Variants in GALNTL6 observed in about 807,000 individuals in gnomAD.
GALNTL6 encodes polypeptide N-acetylgalactosaminyltransferase like 6.
GALNTL6 carries 46 observed loss-of-function variants against 73.7 expected under a neutral mutation model. The observed-to-expected ratio is 0.62, with a 90% CI of 0.49 to 0.80. GALNTL6 has a LOEUF of 0.80. Among genes scored for constraint, GALNTL6 ranks in the 30% least tolerant of loss-of-function variants. GALNTL6 has a pLI of 0.00. For synonymous variants in GALNTL6, 259 were observed against 263.7 expected (o/e 0.98, Z 0.17); for missense variants, 604 against 755.0 (o/e 0.80, Z 2.34).
chr4:172,652,490 G>T (rs1740519983), intron 5 of GALNTL6, among the ~76,000 whole-genome samples: 1 of 152,214 alleles, frequency 6.6e-6, no homozygotes, highest in Non-Finnish European at 1.5e-5. Flanking sequence ...TTGAAAGAGA[G>T]ACATTGTGCC....
intron 5 of GALNTL6, among the ~76,000 whole-genome samples, chr4:172,611,829 G>A (rs959910360): frequency 6.6e-6 from 1 of 152,036 alleles, no homozygotes; most frequent in Non-Finnish European, 1.5e-5. Context: ...CAAGAAGATG[G>A]AGATTCTGAT....
intron 5 of GALNTL6, among the ~76,000 whole-genome samples, chr4:172,721,405 A>C (rs1242883790): frequency 6.6e-6 from 1 of 152,224 alleles, no homozygotes; most frequent in Non-Finnish European, 1.5e-5. Context: ...AATACCAAGA[A>C]AGAATAAACA....
chr4:172,625,743 G>A (rs1464765785), intron 5 of GALNTL6, among the ~76,000 whole-genome samples: 3 of 152,020 alleles, frequency 2.0e-5, no homozygotes, highest in Non-Finnish European at 4.4e-5. Flanking sequence ...GTATCTCATT[G>A]TGGCTTCGAT....
chr4:171,840,766 T>C (rs904356764), intron 2 of GALNTL6, among the ~76,000 whole-genome samples: 2 of 152,160 alleles, frequency 1.3e-5, no homozygotes, highest in Non-Finnish European at 2.9e-5. Context: ...CCTTCTCTTG[T>C]TTCTTATCAT....
intron 5 of GALNTL6, among the ~76,000 whole-genome samples, chr4:172,646,429 T>C (rs1323727256): frequency 1.3e-5 from 2 of 152,092 alleles, no homozygotes; most frequent in African/African-American, 4.8e-5. Flanking sequence ...CTGTTGTAGA[T>C]TTATTTCTAG....
At chr4:172,625,336 G>A (rs1331708738) in intron 5 of GALNTL6, among the ~76,000 whole-genome samples, 3 of 151,914 alleles carry the variant, frequency 2.0e-5, no homozygotes, top group Non-Finnish European at 4.4e-5. Flanking sequence ...TAATGCCCTT[G>A]AGCTGCATCC....
intron 2 of GALNTL6, among the ~76,000 whole-genome samples, chr4:171,909,318 A>G (rs1050312363): frequency 1.2e-4 from 19 of 152,270 alleles, no homozygotes; most frequent in African/African-American, 4.1e-4. Context: ...AAACTACTGT[A>G]TATTATTTAA....
chr4:172,492,242 A>C (rs1479880537), intron 5 of GALNTL6, among the ~76,000 whole-genome samples: 1 of 152,180 alleles, frequency 6.6e-6, no homozygotes, highest in Non-Finnish European at 1.5e-5. Flanking sequence ...TATAGATATT[A>C]TATCTAAGTG....
At chr4:172,733,779 C>G (rs1032023559) in intron 5 of GALNTL6, among the ~76,000 whole-genome samples, 1 of 152,130 alleles carries the variant, frequency 6.6e-6, no homozygotes, top group Admixed American at 6.5e-5. Context: ...ACTTCTTTTT[C>G]TTTATAAATT....
chr4:172,615,349 G>A (rs1738682661), intron 5 of GALNTL6, among the ~76,000 whole-genome samples: 1 of 151,962 alleles, frequency 6.6e-6, no homozygotes, highest in South Asian at 2.1e-4. Context: ...TTTCAGCAGT[G>A]CATTTTTACT....
intron 2 of GALNTL6, among the ~76,000 whole-genome samples, chr4:171,877,095 G>C (rs1019170228): frequency 6.6e-6 from 1 of 152,120 alleles, no homozygotes; most frequent in African/African-American, 2.4e-5. Flanking sequence ...AGATGGAGCT[G>C]TCTCTGTTTC....
chr4:172,403,431 A>C (rs950629865), intron 5 of GALNTL6, among the ~76,000 whole-genome samples: 4 of 152,068 alleles, frequency 2.6e-5, no homozygotes, highest in Non-Finnish European at 4.4e-5. Flanking sequence ...GAACACATTT[A>C]AGAAGTTCTA....
intron 9 of GALNTL6, among the ~76,000 whole-genome samples, chr4:172,932,937 A>G (rs1188038177): frequency 6.6e-6 from 1 of 152,212 alleles, no homozygotes; most frequent in Non-Finnish European, 1.5e-5. Context: ...TAAAATTTTA[A>G]TTAGATGCTA....
At chr4:172,734,349 A>G (rs1441360882) in intron 5 of GALNTL6, among the ~76,000 whole-genome samples, 1 of 152,212 alleles carries the variant, frequency 6.6e-6, no homozygotes, top group Non-Finnish European at 1.5e-5. Context: ...GCTAATCACC[A>G]AGACAATGGG....
At chr4:172,373,007 C>T (rs1053423949) in intron 5 of GALNTL6, among the ~76,000 whole-genome samples, 4 of 152,162 alleles carry the variant, frequency 2.6e-5, no homozygotes, top group South Asian at 2.1e-4. Flanking sequence ...TACCCTTGAT[C>T]GGCTAGAAAG....
At chr4:172,218,560 ACT>A (rs1304360023) in intron 2 of GALNTL6, among the ~76,000 whole-genome samples, 2 of 151,720 alleles carry the variant, frequency 1.3e-5, no homozygotes, top group African/African-American at 2.4e-5. Flanking sequence ...CTTGGTTGGG[ACT>A]CTCTAGATTT....
chr4:172,727,463 G>A (rs920244281), intron 5 of GALNTL6, among the ~76,000 whole-genome samples: 1 of 152,106 alleles, frequency 6.6e-6, no homozygotes, highest in African/African-American at 2.4e-5. Context: ...TGAGGCATGA[G>A]ATATGTATTT....
chr4:172,602,340 TA>T (rs1468863429), intron 5 of GALNTL6, among the ~76,000 whole-genome samples: 11 of 152,022 alleles, frequency 7.2e-5, no homozygotes, highest in Non-Finnish European at 1.3e-4. Flanking sequence ...TTTTCATCTG[TA>T]AAACAAAACT....
chr4:172,516,245 A>G (rs899301345), intron 5 of GALNTL6, among the ~76,000 whole-genome samples: 1 of 152,198 alleles, frequency 6.6e-6, no homozygotes, highest in Non-Finnish European at 1.5e-5. Flanking sequence ...TCTGAATCCT[A>G]AACTAGACCT....
Sources: gnomAD v4.1 joint callset for allele counts (sites outside exome capture counted in the v4.1 genomes callset) on GRCh38, gnomAD v4.1.1 for gene constraint, MANE v1.5 for transcripts, NCBI Gene and HGNC (gene_info 2026-07-23, HGNC 2026-07-21) for gene names.